Variants in ZNF718 observed in about 807,000 individuals in gnomAD.
ZNF718 encodes the protein zinc finger protein 718.
A neutral mutation model predicts 2.6 loss-of-function variants in ZNF718; 3 were observed. The ratio of observed to expected loss-of-function variants is 1.16; its 90% CI spans 0.53 to 3.01. ZNF718 has a LOEUF of 3.01. ZNF718 is among the 30% of genes most tolerant of loss of function. The pLI, the probability that ZNF718 is intolerant of heterozygous loss-of-function variation, is 0.03. For synonymous variants in ZNF718, 135 were observed against 77.9 expected, an observed-to-expected ratio of 1.73 and a Z score of -3.86; for missense variants, 468 against 230.0, an observed-to-expected ratio of 2.03 and a Z score of -6.69.
At chr4:181,731 C>G (rs1159200901) in intron 3 of ZNF718, among the ~76,000 whole-genome samples, 1 of 151,992 alleles carries the variant, frequency 6.6e-6, no homozygotes, top group African/African-American at 2.4e-5. Context: ...TAAATGTGTG[C>G]CATGGTGGTT....
intron 3 of ZNF718, among the ~76,000 whole-genome samples, chr4:157,310 C>G (rs1361894926): frequency 6.6e-6 from 1 of 151,888 alleles, no homozygotes; most frequent in African/African-American, 2.4e-5. Context: ...GATGGGATTT[C>G]TCCATGTTGG....
intron 3 of ZNF718, among the ~76,000 whole-genome samples, chr4:173,289 G>T (rs1717276572): frequency 1.3e-5 from 2 of 151,712 alleles, no homozygotes; most frequent in Non-Finnish European, 2.9e-5. Flanking sequence ...AACACAAGCA[G>T]TATACTCTGA....
intron 3 of ZNF718, among the ~76,000 whole-genome samples, chr4:181,827 C>T (rs1361885926): frequency 6.6e-6 from 1 of 152,134 alleles, no homozygotes; most frequent in Non-Finnish European, 1.5e-5. Flanking sequence ...TCTCACCTTC[C>T]ATACTCAGGC....
intron 3 of ZNF718, among the ~76,000 whole-genome samples, chr4:152,021 A>G (rs1227789946): frequency 1.3e-5 from 2 of 148,404 alleles, no homozygotes; most frequent in African/African-American, 2.5e-5. Context: ...TCTTTGCATC[A>G]TAGACAATGT....
chr4:135,583 G>A (rs1553809165), intron 3 of ZNF718, among the ~76,000 whole-genome samples: 1 of 151,748 alleles, frequency 6.6e-6, no homozygotes, highest in Non-Finnish European at 1.5e-5. Flanking sequence ...TGGGAGGCAG[G>A]TTTGCCCTAG....
chr4:193,849 T>C (rs1406656318), intron 3 of ZNF718, among the ~76,000 whole-genome samples: 1 of 152,116 alleles, frequency 6.6e-6, no homozygotes, highest in Non-Finnish European at 1.5e-5. Flanking sequence ...AGAACCTTCA[T>C]CCCCTGGGGC....
chr4:189,811 G>A (rs1297264300), intron 3 of ZNF718, among the ~76,000 whole-genome samples: 1 of 152,090 alleles, frequency 6.6e-6, no homozygotes, highest in Non-Finnish European at 1.5e-5. Flanking sequence ...GTAGTTTTCT[G>A]AGTGTTTTAT....
At chr4:149,944 T>G (rs1462957319) in intron 3 of ZNF718, 1 of 152,114 alleles carries the variant, frequency 6.6e-6, no homozygotes, top group African/African-American at 2.4e-5. Flanking sequence ...TTAAGTATAT[T>G]TACATTATAT....
At chr4:196,923 C>T (rs782757311) in intron 3 of ZNF718, among the ~76,000 whole-genome samples, 3 of 151,578 alleles carry the variant, frequency 2.0e-5, no homozygotes, top group Non-Finnish European at 3.0e-5. Context: ...TCTGATATTA[C>T]TCACTGCTTT....
At position 163,093 on chromosome 4, in the gene ZNF718, C is replaced by A. The variant is rs554136261; in HGVS notation, c.*971C>A. On this transcript the variant is annotated 3_prime_UTR_variant, in exon 4 of 4. Transcript: ENST00000510175. ...AGCAAATTCAACTCTAAAATTACTT[C>A]ATACTGATTCAACTTATTGTTTATA... 15 of 152,152 alleles carry A rather than the reference C, an allele frequency of 9.9e-5. No homozygotes were observed. Among genetic ancestry groups the A allele is most frequent in the Admixed American group, 2.6e-4 (4 of 15,284 alleles). 9.4% of individuals were successfully genotyped at this position (152,152 alleles called of 1,614,324 possible). A position where few individuals can be genotyped will look rare whatever the true frequency, so the allele number is the denominator to read the frequency against.
downstream of ZNF718, among the ~76,000 whole-genome samples, chr4:165,520 C>T (rs1009674771): frequency 1.3e-5 from 2 of 152,050 alleles, no homozygotes; most frequent in Admixed American, 6.6e-5. Flanking sequence ...ATTTCTAGGC[C>T]GGGTACAGTG....
At chr4:192,014 C>T (rs1330843716) in intron 3 of ZNF718, among the ~76,000 whole-genome samples, 1 of 152,206 alleles carries the variant, frequency 6.6e-6, no homozygotes, top group Admixed American at 6.5e-5. Context: ...AACCCAGGCA[C>T]TTAGCCACAC....
intron 3 of ZNF718, among the ~76,000 whole-genome samples, chr4:138,768 T>C (rs918012285): frequency 3.3e-5 from 5 of 152,284 alleles, no homozygotes; most frequent in Admixed American, 2.0e-4. Flanking sequence ...AGTTCAACTT[T>C]CACTTTTCTC....
intron 3 of ZNF718, among the ~76,000 whole-genome samples, chr4:197,610 G>A (rs1717818330): frequency 6.6e-6 from 1 of 152,118 alleles, no homozygotes; most frequent in African/African-American, 2.4e-5. Flanking sequence ...CAATCCAAGT[G>A]CTGCTACTCA....
At position 161,069 on chromosome 4, in the gene ZNF718, T is replaced by C. The variant is rs1716806331; in HGVS notation, c.384T>C (p.Tyr128=). ...INECKVQKGG[Y]NRINQCLLTT... ...AGTGTAAGGTGCAGAAAGGTGGTTA[T>C]AATAGAATTAACCAATGCTTATTAA... Residue 128 remains tyrosine, a synonymous_variant, in exon 4 of 4, where the codon TAT becomes TAC. Transcript: ENST00000510175. 1.3e-6 allele frequency: 1 copy of C among 778,810 alleles called. No homozygotes were observed. 48.2% of individuals were successfully genotyped at this position (778,810 alleles called of 1,614,324 possible). A position where few individuals can be genotyped will look rare whatever the true frequency, so the allele number is the denominator to read the frequency against.
chr4:175,852 C>CTTTTTT (rs1158577358), intron 3 of ZNF718, among the ~76,000 whole-genome samples: 38 of 98,916 alleles, frequency 3.8e-4, no homozygotes, highest in Non-Finnish European at 5.1e-4. Flanking sequence ...GATTAACAGT[C>CTTTTTT]TTTTTTTTTT....
rs1715375968 is a variant in ZNF718, at chr4:132,651, A to C, written c.226+1146A>C. On this transcript the variant is annotated intron_variant, in intron 3 of 3. Coordinates refer to ENST00000510175, the MANE Select transcript of ZNF718 (RefSeq NM_001039127.6). ...GATTTTTAATCCTATAGAGGTTGCA[A>C]ATGTAATTCTACAAAAATTCTTACT... Among the ~76,000 whole-genome samples, 2 of 104,552 alleles carry C rather than the reference A, an allele frequency of 1.9e-5. 1 individual carries two copies. The highest frequency in any genetic ancestry group is 2.1e-4 in the Admixed American group (2 of 9,686). The allele number at this position is 104,552 out of a possible 152,430, so 68.6% of individuals were successfully genotyped here.
In ZNF718 at chr4:161,719, GA is replaced by G. The variant is rs1560122931; in HGVS notation, c.1038del (p.Lys346AsnfsTer93). Reference sequence around the variant, plus strand: ...AAACCCTACAAATGTGAAGAATGTGGAAAATCCTTTAATAGGTCCACAACTC... The same window carrying G: ...AAACCCTACAAATGTGAAGAATGTGGAAATCCTTTAATAGGTCCACAACTC... ...GEKPYKCEEC[G>X]KSFNRSTTLT... On this transcript the variant is annotated frameshift_variant, in exon 4 of 4. Transcript: ENST00000510175. LOFTEE classifies it low-confidence loss of function (END_TRUNC). The G allele has an allele frequency of 2.6e-6, 2 of 779,134 alleles. No individual in the cohort carries two copies. The highest frequency in any genetic ancestry group is 4.8e-6 in the Non-Finnish European group (2 of 417,176). 48.3% of individuals were successfully genotyped at this position (779,134 alleles called of 1,614,324 possible).
chr4:166,198 G>A (rs1255019438), downstream of ZNF718, among the ~76,000 whole-genome samples: 1 of 152,140 alleles, frequency 6.6e-6, no homozygotes, highest in Non-Finnish European at 1.5e-5. Context: ...TTTTATGGCT[G>A]CATAGTATTC....
Sources: allele counts gnomAD v4.1 joint callset (sites outside exome capture counted in the v4.1 genomes callset), GRCh38; gene constraint gnomAD v4.1.1; transcripts MANE v1.5; gene names NCBI Gene and HGNC (gene_info 2026-07-23, HGNC 2026-07-21).